Variants in CABIN1 observed in about 807,000 individuals in gnomAD.
The protein encoded by CABIN1 is calcineurin binding protein 1.
A neutral mutation model predicts 227.7 loss-of-function variants in CABIN1; 133 were observed. The observed-to-expected ratio is 0.58, with a 90% CI of 0.51 to 0.67. The LOEUF is 0.67. CABIN1 is among the 30% of genes least tolerant of loss of function. The pLI is 0.00. For synonymous variants in CABIN1, 1,086 were observed against 1,155.1 expected, an observed-to-expected ratio of 0.94 and a Z score of 1.21; for missense variants, 2,408 against 2,852.5, an observed-to-expected ratio of 0.84 and a Z score of 3.55.
intron 8 of CABIN1, 22 bp downstream of exon 8, chr22:24,050,996 G>C: frequency 6.2e-7 from 1 of 1,613,944 alleles, no homozygotes; most frequent in Non-Finnish European, 8.5e-7. Context: ...AGCGTCTCTG[G>C]GAGTGCTGGG....
chr22:24,174,860 A>G (rs2047017954), intron 34 of CABIN1, among the ~76,000 whole-genome samples: 1 of 151,804 alleles, frequency 6.6e-6, no homozygotes, highest in Admixed American at 6.6e-5. Flanking sequence ...TTTATAACCT[A>G]ATCTCAGCAG....
intron 28 of CABIN1, among the ~76,000 whole-genome samples, chr22:24,126,052 A>G (rs1305526566): frequency 6.6e-6 from 1 of 152,224 alleles, no homozygotes; most frequent in African/African-American, 2.4e-5. Flanking sequence ...AAGCTTGGAA[A>G]AGAGAATGAA....
intron 29 of CABIN1, among the ~76,000 whole-genome samples, chr22:24,151,924 G>A (rs1332206607): frequency 6.6e-6 from 1 of 152,194 alleles, no homozygotes; most frequent in East Asian, 1.9e-4. Flanking sequence ...TCCAGGCTGT[G>A]GCTGGGTCAC....
intron 1 of CABIN1, among the ~76,000 whole-genome samples, chr22:24,016,128 A>G (rs2035266120): frequency 6.6e-6 from 1 of 152,226 alleles, no homozygotes; most frequent in Non-Finnish European, 1.5e-5. Flanking sequence ...ACCCTGATCC[A>G]TTAGCAATTA....
At chr22:24,054,436 C>T (rs2038617620) in intron 8 of CABIN1, among the ~76,000 whole-genome samples, 1 of 152,238 alleles carries the variant, frequency 6.6e-6, no homozygotes, top group African/African-American at 2.4e-5. Flanking sequence ...TCTTATAGAC[C>T]ATGTCCCTGT....
intron 27 of CABIN1, among the ~76,000 whole-genome samples, chr22:24,118,937 G>C (rs2043238867): frequency 6.6e-6 from 1 of 152,236 alleles, no homozygotes; most frequent in Non-Finnish European, 1.5e-5. Context: ...AGTGGGCTGA[G>C]CACTGAGCAG....
rs1602442247 is a variant in CABIN1, at chr22:24,164,433, C to T, written c.4780C>T (p.Arg1594Trp). The change falls in exon 30 of 37, where the codon CGG becomes TGG. Residue 1594 changes from arginine (R) to tryptophan (W), a missense_variant. Arg to Trp is a moderately radical substitution (Grantham distance 101). Transcript: ENST00000263119. Reference protein sequence around the residue: ...IWRIPVDEIDRPGSFAWHMNR... With the variant: ...IWRIPVDEIDWPGSFAWHMNR... ...GCGGATCCCCGTGGACGAGATTGAC[C>T]GGCCGGGCAGCTTTGCCTGGCACAT... The T allele has an allele frequency of 2.5e-6, 4 of 1,605,054 alleles. No individual in the cohort carries two copies. The highest frequency in any genetic ancestry group is 2.2e-5 in the East Asian group (1 of 44,870).
chr22:24,109,910 C>T (rs778308028), intron 26 of CABIN1, among the ~76,000 whole-genome samples: 51 of 152,218 alleles, frequency 3.4e-4, no homozygotes, highest in Admixed American at 1.2e-3. Flanking sequence ...TGGCTCACGC[C>T]TGTAATCCCA....
chr22:24,086,154 G>A (rs986507604), intron 22 of CABIN1, among the ~76,000 whole-genome samples: 11 of 152,222 alleles, frequency 7.2e-5, no homozygotes, highest in Non-Finnish European at 1.3e-4. Context: ...AGCCCTGGCC[G>A]TCCTCTTGGG....
At chr22:24,053,727 T>C (rs1390288176) in intron 8 of CABIN1, among the ~76,000 whole-genome samples, 2 of 152,132 alleles carry the variant, frequency 1.3e-5, no homozygotes, top group East Asian at 3.9e-4. Flanking sequence ...GGATGCTGGC[T>C]CTGTGCAGGG....
intron 28 of CABIN1, among the ~76,000 whole-genome samples, chr22:24,131,953 C>A (rs1486894046): frequency 6.6e-6 from 1 of 151,906 alleles, no homozygotes; most frequent in Non-Finnish European, 1.5e-5. Flanking sequence ...GTAGTCCCAG[C>A]TACTCAGGAG....
At chr22:24,053,709 C>T (rs1601810262) in intron 8 of CABIN1, among the ~76,000 whole-genome samples, 1 of 152,264 alleles carries the variant, frequency 6.6e-6, no homozygotes, top group East Asian at 1.9e-4. Flanking sequence ...CCTTTCTCAA[C>T]ACTTCCTGGA....
intron 30 of CABIN1, 97 bp downstream of exon 30, chr22:24,164,660 G>A: frequency 7.2e-7 from 1 of 1,380,394 alleles, no homozygotes; most frequent in Non-Finnish European, 1.0e-6. Flanking sequence ...CCAGCTGTGA[G>A]GACCACTGGC....
At chr22:24,114,202 G>A (rs2042962103) in intron 27 of CABIN1, among the ~76,000 whole-genome samples, 1 of 152,134 alleles carries the variant, frequency 6.6e-6, no homozygotes, top group African/African-American at 2.4e-5. Context: ...TGGGGAGGGG[G>A]GCAGAGAGCC....
At chr22:24,076,959 G>A (rs888644387) in intron 19 of CABIN1, among the ~76,000 whole-genome samples, 14 of 152,202 alleles carry the variant, frequency 9.2e-5, no homozygotes, top group Admixed American at 7.9e-4. Context: ...TATTCGTGAA[G>A]TTCTATTGGG....
chr22:24,080,153 G>T (rs2146967146), intron 19 of CABIN1, among the ~76,000 whole-genome samples: 1 of 152,214 alleles, frequency 6.6e-6, no homozygotes, highest in African/African-American at 2.4e-5. Context: ...CATTCCACAT[G>T]CATGGCCAGT....
intron 18 of CABIN1, among the ~76,000 whole-genome samples, chr22:24,074,684 A>G (rs1233106876): frequency 1.3e-5 from 2 of 152,188 alleles, no homozygotes; most frequent in African/African-American, 4.8e-5. Context: ...GTTATCACAT[A>G]CTGAATTCTC....
intron 1 of CABIN1, among the ~76,000 whole-genome samples, chr22:24,017,269 C>T (rs1240647865): frequency 4.0e-5 from 6 of 151,896 alleles, no homozygotes; most frequent in Non-Finnish European, 1.5e-5. Flanking sequence ...CATCTCCTGA[C>T]CTCCTCATCC....
intron 1 of CABIN1, among the ~76,000 whole-genome samples, chr22:24,019,937 G>T (rs997121506): frequency 6.6e-6 from 1 of 151,812 alleles, no homozygotes; most frequent in Non-Finnish European, 1.5e-5. Flanking sequence ...GATTACAGGC[G>T]TGAGTCACTG....
Sources: allele counts gnomAD v4.1 joint callset (sites outside exome capture counted in the v4.1 genomes callset), GRCh38; gene constraint gnomAD v4.1.1; transcripts MANE v1.5; gene names NCBI Gene and HGNC (gene_info 2026-07-23, HGNC 2026-07-21).